The following ST6GAL2 variants were observed in gnomAD, a reference collection of about 807,000 sequenced individuals.
ST6GAL2 encodes beta-galactoside alpha-2,6-sialyltransferase 2.
ST6GAL2 carries 24 observed loss-of-function variants against 37.5 expected under a neutral mutation model. The ratio of observed to expected loss-of-function variants is 0.64; its 90% CI spans 0.46 to 0.90. The LOEUF is 0.90. ST6GAL2 is among the 40% of genes least tolerant of loss of function. The probability of loss-of-function intolerance (pLI) is 0.00; values close to 1 mark genes in which losing one functional copy is unlikely to be tolerated. For missense variants in ST6GAL2, 715 were observed against 712.7 expected (o/e 1.00, Z -0.04); for synonymous variants, 306 against 295.1 (o/e 1.04, Z -0.38).
At position 106,882,203 on chromosome 2, in the gene ST6GAL2, C is replaced by T. The variant is rs536955765; in HGVS notation, c.-58+3890G>A. On this transcript the variant is annotated intron_variant, in intron 1 of 5. Coordinates refer to ENST00000409382, the MANE Select transcript of ST6GAL2 (RefSeq NM_001142351.2). Reference sequence around the variant, plus strand: ...ATCTTCCCCATCCAGCAGGCTCAGCCTGATTTGAGGACATGAAAACTGATA... The same window carrying T: ...ATCTTCCCCATCCAGCAGGCTCAGCTTGATTTGAGGACATGAAAACTGATA... 7.2e-5 allele frequency among the ~76,000 whole-genome samples: 11 copies of T among 152,322 alleles called. No individual in the cohort carries two copies. The South Asian group carries it at 2.1e-3, about 29-fold the overall frequency.
chr2:106,811,578 C>G (rs1434851745), intron 5 of ST6GAL2, among the ~76,000 whole-genome samples: 1 of 152,092 alleles, frequency 6.6e-6, no homozygotes, highest in Non-Finnish European at 1.5e-5. Context: ...AATTTAAAGA[C>G]AGTAGAAGGC....
At chr2:106,874,927 G>A (rs997638593) in intron 1 of ST6GAL2, among the ~76,000 whole-genome samples, 8 of 152,156 alleles carry the variant, frequency 5.3e-5, no homozygotes, top group Non-Finnish European at 8.8e-5. Context: ...GAACCTTAAC[G>A]CTGTGTCAAC....
chr2:106,855,975 G>A (rs1464636473), intron 1 of ST6GAL2, among the ~76,000 whole-genome samples: 2 of 152,162 alleles, frequency 1.3e-5, no homozygotes, highest in Non-Finnish European at 2.9e-5. Context: ...TTCACAGAGT[G>A]CTGAGCTTCC....
intron 5 of ST6GAL2, among the ~76,000 whole-genome samples, chr2:106,813,513 A>G (rs544283245): frequency 6.6e-6 from 1 of 152,312 alleles, no homozygotes; most frequent in African/African-American, 2.4e-5. Flanking sequence ...GGTTTCCTTT[A>G]TACATCTTTA....
chr2:106,826,884 G>A (rs1289254456), intron 5 of ST6GAL2, among the ~76,000 whole-genome samples: 1 of 152,188 alleles, frequency 6.6e-6, no homozygotes, highest in East Asian at 1.9e-4. Context: ...TATAGGAAGT[G>A]GGGCACACTG....
In ST6GAL2 at chr2:106,826,215, TA is replaced by T. The variant is rs773763741; in HGVS notation, c.1318+3850del. ...AAAATACCTGAGACTGCGTAAATTATAAAGGAAAGAGATTTAATTGGCTCAT... is the reference window on the plus strand; with the variant it reads ...AAAATACCTGAGACTGCGTAAATTATAAGGAAAGAGATTTAATTGGCTCAT... On this transcript the variant is annotated intron_variant, in intron 5 of 5. Coordinates refer to ENST00000409382, the MANE Select transcript of ST6GAL2 (RefSeq NM_001142351.2). 2.0e-5 allele frequency among the ~76,000 whole-genome samples: 3 copies of T among 152,268 alleles called. No individual in the cohort carries two copies. In the South Asian group the frequency reaches 6.2e-4, roughly 32 times the overall value.
chr2:106,868,533 A>G (rs943569513), intron 1 of ST6GAL2, among the ~76,000 whole-genome samples: 25 of 152,334 alleles, frequency 1.6e-4, no homozygotes, highest in African/African-American at 5.5e-4. Flanking sequence ...AATAAACTAA[A>G]TATCTGTGTA....
At chr2:106,813,324 C>CA in intron 5 of ST6GAL2, 1 of 712,964 alleles carries the variant, frequency 1.4e-6, no homozygotes, top group Non-Finnish European at 2.0e-6. Context: ...TTTTAAACAT[C>CA]ATATAACGCA....
intron 1 of ST6GAL2, among the ~76,000 whole-genome samples, chr2:106,878,971 CT>C (rs1388334399): frequency 2.0e-5 from 3 of 152,168 alleles, no homozygotes; most frequent in Non-Finnish European, 2.9e-5. Flanking sequence ...ACATTAAGCA[CT>C]TGATTATACT....
rs1336087191 is a variant in ST6GAL2, at chr2:106,806,479, T to G, written c.*199A>C. 8 of 623,484 alleles carry G rather than the reference T, an allele frequency of 1.3e-5. No homozygotes were observed. The highest frequency in any genetic ancestry group is 1.8e-5 in the Non-Finnish European group (7 of 380,644). The allele number at this position is 623,484 out of a possible 1,614,324, so 38.6% of individuals were successfully genotyped here. On this transcript the variant is annotated 3_prime_UTR_variant, in exon 6 of 6. Transcript: ENST00000409382. The stretch of plus-strand genomic sequence containing the variant: ...TTTGCATCTTTCTTGAGCCTTATTT[T>G]TTTAAAAAAACCATTTCTATGTTCA...
rs1675286374 is a variant in ST6GAL2, at chr2:106,802,398, T to C, written c.*4280A>G. 1 of 152,218 alleles carries C rather than the reference T, an allele frequency of 6.6e-6. No individual in the cohort carries two copies. Among genetic ancestry groups the C allele is most frequent in the South Asian group, 2.1e-4 (1 of 4,814 alleles). The allele number at this position is 152,218 out of a possible 1,614,324, so 9.4% of individuals were successfully genotyped here. On this transcript the variant is annotated 3_prime_UTR_variant, in exon 6 of 6. Coordinates refer to ENST00000409382, the MANE Select transcript of ST6GAL2 (RefSeq NM_001142351.2). ...CTAAGAACTAGATCAATGTCTTTAATTCCTTAAATGTCATTAGCTCAAGTT... is the reference window on the plus strand; with the variant it reads ...CTAAGAACTAGATCAATGTCTTTAACTCCTTAAATGTCATTAGCTCAAGTT...
chr2:106,885,998 C>G (rs367685862), intron 1 of ST6GAL2, 95 bp downstream of exon 1: 5 of 152,436 alleles, frequency 3.3e-5, no homozygotes, highest in Non-Finnish European at 4.4e-5. Flanking sequence ...GGGTCTCGCT[C>G]CTAAACACGG....
chr2:106,871,173 A>G (rs1678250660), intron 1 of ST6GAL2, among the ~76,000 whole-genome samples: 1 of 152,232 alleles, frequency 6.6e-6, no homozygotes, highest in Non-Finnish European at 1.5e-5. Flanking sequence ...ATTTGTGTCT[A>G]AACATATCTA....
At chr2:106,814,860 C>T (rs1164763636) in intron 5 of ST6GAL2, among the ~76,000 whole-genome samples, 1 of 152,192 alleles carries the variant, frequency 6.6e-6, no homozygotes, top group East Asian at 1.9e-4. Context: ...CACTGAATAA[C>T]AAGATAAAAT....
At chr2:106,845,138 G>A (rs919117702) in intron 1 of ST6GAL2, among the ~76,000 whole-genome samples, 5 of 152,156 alleles carry the variant, frequency 3.3e-5, no homozygotes, top group Non-Finnish European at 5.9e-5. Context: ...TTGTGTGTGC[G>A]TTTTGCAGAG....
intron 1 of ST6GAL2, among the ~76,000 whole-genome samples, chr2:106,874,983 A>G (rs891811426): frequency 2.0e-5 from 3 of 152,188 alleles, no homozygotes; most frequent in African/African-American, 7.2e-5. Context: ...TACCATTTAC[A>G]TCTGGCTCTG....
chr2:106,833,402 G>T lies in ST6GAL2; in HGVS notation c.1041+647C>A, dbSNP rs147980864. ...GTAATTGTTTCTTACCTTGCGGCAG[G>T]CTGCCTGGTGCAGTGAACTGTGCAG... On this transcript the variant is annotated intron_variant, in intron 3 of 5. Coordinates refer to ENST00000409382, the MANE Select transcript of ST6GAL2 (RefSeq NM_001142351.2). 4.7e-3 allele frequency among the ~76,000 whole-genome samples: 722 copies of T among 152,254 alleles called. 6 individuals are homozygous for T. Among genetic ancestry groups the T allele is most frequent in the African/African-American group, 0.016 (684 of 41,552 alleles).
At chr2:106,835,625 G>T (rs1676603933) in intron 2 of ST6GAL2, among the ~76,000 whole-genome samples, 1 of 152,152 alleles carries the variant, frequency 6.6e-6, no homozygotes, top group South Asian at 2.1e-4. Flanking sequence ...AATCTGACCT[G>T]CCACTTGTTT....
intron 1 of ST6GAL2, among the ~76,000 whole-genome samples, chr2:106,878,716 T>C (rs1231169174): frequency 6.6e-6 from 1 of 152,156 alleles, no homozygotes; most frequent in Admixed American, 6.6e-5. Flanking sequence ...TCTGCCTAGG[T>C]TATGCAAAGA....
Sources: gnomAD v4.1 joint callset for allele counts (sites outside exome capture counted in the v4.1 genomes callset) on GRCh38, gnomAD v4.1.1 for gene constraint, MANE v1.5 for transcripts, NCBI Gene and HGNC (gene_info 2026-07-23, HGNC 2026-07-21) for gene names.